The following HMSD variants were observed in gnomAD, a reference collection of about 807,000 sequenced individuals.
HMSD encodes histocompatibility minor serpin domain containing, also known as serpin-like protein HMSD.
In HMSD, 13 loss-of-function variants were observed where a neutral mutation model predicts 10.0. That is an observed-to-expected ratio of 1.31 (90% confidence interval 0.85 to 2.08). The LOEUF is 2.08. Ranked by LOEUF, HMSD falls within the 30% of genes most tolerant of loss-of-function variation. The pLI is 0.00. For missense variants in HMSD, 169 were observed against 166.3 expected (o/e 1.02, Z -0.09); for synonymous variants, 51 against 54.2 (o/e 0.94, Z 0.26).
chr18:63,952,686 A>G (rs1312992975), intron 1 of HMSD, among the ~76,000 whole-genome samples: 3 of 152,186 alleles, frequency 2.0e-5, no homozygotes, highest in Non-Finnish European at 2.9e-5. Context: ...ATCTTTCTGC[A>G]TACTGTTTTT....
chr18:63,953,774 C>T (rs2050343193), intron 2 of HMSD, among the ~76,000 whole-genome samples: 3 of 152,208 alleles, frequency 2.0e-5, no homozygotes, highest in African/African-American at 7.2e-5. Context: ...ATACCACTCC[C>T]ATGTCTGGGC....
chr18:63,953,584 G>T, intron 2 of HMSD, 57 bp downstream of exon 2: 1 of 1,374,254 alleles, frequency 7.3e-7, no homozygotes, highest in South Asian at 1.2e-5. Flanking sequence ...AGTTGAGCTG[G>T]ACTTCTGCAT....
intron 3 of HMSD, among the ~76,000 whole-genome samples, chr18:63,959,320 G>A (rs968247641): frequency 1.3e-5 from 2 of 152,114 alleles, no homozygotes; most frequent in South Asian, 2.1e-4. Flanking sequence ...GTTGCTCCAC[G>A]TTTTCACCAG....
At chr18:63,965,012 A>G (rs2050404168), downstream of HMSD, among the ~76,000 whole-genome samples, 1 of 152,146 alleles carries the variant, frequency 6.6e-6, no homozygotes, top group Non-Finnish European at 1.5e-5. Flanking sequence ...TTACTTAATA[A>G]TTCTTTGTAT....
At chr18:63,963,953 A>G (rs901913708), downstream of HMSD, among the ~76,000 whole-genome samples, 2 of 152,194 alleles carry the variant, frequency 1.3e-5, no homozygotes, top group African/African-American at 4.8e-5. Context: ...ATTCTCAGGG[A>G]ATGCTTTCTC....
At chr18:63,959,742 G>A (rs141631903) in intron 3 of HMSD, among the ~76,000 whole-genome samples, 250 of 152,196 alleles carry the variant, frequency 1.6e-3, no homozygotes, top group African/African-American at 5.4e-3. Flanking sequence ...GGATATTGAA[G>A]TCTCCAGTTA....
At chr18:63,958,104 T>G (rs1050413970) in intron 3 of HMSD, among the ~76,000 whole-genome samples, 1 of 152,152 alleles carries the variant, frequency 6.6e-6, no homozygotes, top group Non-Finnish European at 1.5e-5. Context: ...GAGGCAGCAA[T>G]TTTGGAAAAG....
At chr18:63,949,599 C>T (rs1032723449) in intron 1 of HMSD, among the ~76,000 whole-genome samples, 199 bp downstream of exon 1, 3 of 152,212 alleles carry the variant, frequency 2.0e-5, no homozygotes, top group African/African-American at 7.2e-5. Flanking sequence ...GACTTGGCTG[C>T]ACTTGGCTGT....
At position 63,960,399 on chromosome 18, in the gene HMSD, C is replaced by G. The variant is rs1315321601; in HGVS notation, c.*44C>G. Reference sequence around the variant, plus strand: ...CTAAACAACTATGCAAACATTAAAACCTTTCTTTGGAAATATTGCCAACTC... The same window carrying G: ...CTAAACAACTATGCAAACATTAAAAGCTTTCTTTGGAAATATTGCCAACTC... On this transcript the variant is annotated 3_prime_UTR_variant, in exon 4 of 4. Coordinates refer to ENST00000408945, the MANE Select transcript of HMSD (RefSeq NM_001123366.2). 4 of 1,524,380 alleles carry G rather than the reference C, an allele frequency of 2.6e-6. No homozygotes were observed. The South Asian group carries it at 3.8e-5, about 14-fold the overall frequency. 94.4% of individuals were successfully genotyped at this position (1,524,380 alleles called of 1,614,324 possible). A position where few individuals can be genotyped will look rare whatever the true frequency, so the allele number is the denominator to read the frequency against.
At position 63,953,482 on chromosome 18, in the gene HMSD, G is replaced by A. The variant is rs760025340; in HGVS notation, c.27G>A (p.Met9Ile). Residue 9 changes from methionine to isoleucine, a missense_variant, in exon 2 of 4, where the codon ATG (methionine) becomes ATA (isoleucine). Met to Ile is a conservative substitution (Grantham distance 10, BLOSUM62 1). Coordinates refer to ENST00000408945, the MANE Select transcript of HMSD (RefSeq NM_001123366.2). The stretch of plus-strand genomic sequence containing the variant: ...TGAGCATATCATCAGCCTTGGCCAT[G>A]GTTTTCATGGGGGCAAAGGGAAACA... MSISSALA[M>I]VFMGAKGNTA... The A allele has an allele frequency of 6.2e-7, 1 of 1,613,932 alleles. No homozygotes were observed. Among genetic ancestry groups the A allele is most frequent in the East Asian group, 2.2e-5 (1 of 44,870 alleles).
chr18:63,968,400 T>C (rs2050421424), intron 3 of HMSD: 1 of 152,268 alleles, frequency 6.6e-6, no homozygotes, highest in Admixed American at 6.5e-5. Context: ...CATGGCCCTG[T>C]GGACACATCA....
intron 3 of HMSD, 23 bp downstream of exon 3, chr18:63,954,580 G>C (rs772156442): frequency 6.3e-7 from 1 of 1,591,368 alleles, no homozygotes; most frequent in Admixed American, 1.7e-5. Flanking sequence ...TGTTTATTAG[G>C]AAAATAAAGA....
Position 63,955,432 on chromosome 18 carries a change from T to C in HMSD, c.222+875T>C, listed in dbSNP as rs536341588. ...GACAGGAGTATTTCTTTACACAGTT[T>C]TGTGCATATGTGTATGAGTTACTAT... On this transcript the variant is annotated intron_variant, in intron 3 of 3. Transcript: ENST00000408945. 5.1e-4 allele frequency among the ~76,000 whole-genome samples: 77 copies of C among 152,266 alleles called. 1 individual carries two copies. Among genetic ancestry groups the C allele is most frequent in the Admixed American group, 4.8e-3 (73 of 15,298 alleles).
chr18:63,968,871 C>A (rs924363483), intron 3 of HMSD: 4 of 152,148 alleles, frequency 2.6e-5, no homozygotes, highest in Non-Finnish European at 5.9e-5. Context: ...GGGGGTGAAT[C>A]CTGCACCAAG....
At position 63,961,375 on chromosome 18, in the gene HMSD, A is replaced by G. The variant is rs527370738; in HGVS notation, c.*1020A>G. 6.6e-6 allele frequency: 1 copy of G among 152,160 alleles called. No individual in the cohort carries two copies. The highest frequency in any genetic ancestry group is 2.4e-5 in the African/African-American group (1 of 41,448). 9.4% of individuals were successfully genotyped at this position (152,160 alleles called of 1,614,324 possible). On this transcript the variant is annotated 3_prime_UTR_variant, in exon 4 of 4. Transcript: ENST00000408945. ...TATTGTTCCTAGAGGGTCTTGTGAA[A>G]TTTTGTTTGTCATATTCTCTTTGAA...
At position 63,954,645 on chromosome 18, in the gene HMSD, G is replaced by A; in HGVS notation, c.222+88G>A. The A allele has an allele frequency of 4.3e-6, 5 of 1,155,114 alleles. No individual in the cohort carries two copies. In the East Asian group the frequency reaches 1.2e-4, roughly 27 times the overall value. 71.6% of individuals were successfully genotyped at this position (1,155,114 alleles called of 1,614,324 possible). On this transcript the variant is annotated intron_variant, in intron 3 of 3. Coordinates refer to ENST00000408945, the MANE Select transcript of HMSD (RefSeq NM_001123366.2). ...ATATGGGCTATGAATTCCTGCAGGT[G>A]GTCCTGAACTCAGAACTCCACGCAC... is the stretch of plus-strand genomic sequence containing the variant.
At chr18:63,961,872 C>T (rs1019729005), downstream of HMSD, 1 of 152,198 alleles carries the variant, frequency 6.6e-6, no homozygotes, top group Non-Finnish European at 1.5e-5. Flanking sequence ...CTAGTTATCT[C>T]CTACTATTTA....
chr18:63,964,527 G>A (rs924217139), downstream of HMSD, among the ~76,000 whole-genome samples: 6 of 152,210 alleles, frequency 3.9e-5, no homozygotes, highest in Admixed American at 6.5e-5. Context: ...GCAACAGAGT[G>A]AGACACTGAT....
chr18:63,960,481 T>C lies in HMSD; in HGVS notation c.*126T>C. Reference sequence around the variant, plus strand: ...TTATCAAGTATCTGTGATGTCTCTCTAGATGAAATAATCTCTTCCAGGTTT... The same window carrying C: ...TTATCAAGTATCTGTGATGTCTCTCCAGATGAAATAATCTCTTCCAGGTTT... On this transcript the variant is annotated 3_prime_UTR_variant, in exon 4 of 4. Transcript: ENST00000408945. 1 of 1,324,068 alleles carries C rather than the reference T, an allele frequency of 7.6e-7. No homozygotes were observed. Among genetic ancestry groups the C allele is most frequent in the Non-Finnish European group, 1.0e-6 (1 of 1,004,616 alleles). 82.0% of individuals were successfully genotyped at this position (1,324,068 alleles called of 1,614,324 possible).
Sources: allele counts gnomAD v4.1 joint callset (sites outside exome capture counted in the v4.1 genomes callset), GRCh38; gene constraint gnomAD v4.1.1; transcripts MANE v1.5; gene names NCBI Gene and HGNC (gene_info 2026-07-23, HGNC 2026-07-21).